Variants in CCSER1 observed in about 807,000 individuals in gnomAD.
CCSER1 encodes the protein coiled-coil serine rich protein 1.
Under a neutral mutation model 82.0 loss-of-function variants are expected in CCSER1, and 41 were observed. The ratio of observed to expected loss-of-function variants is 0.50; its 90% CI spans 0.39 to 0.65. The LOEUF (loss-of-function observed/expected upper bound fraction) is 0.65. Among genes scored for constraint, CCSER1 ranks in the 30% least tolerant of loss-of-function variants. CCSER1 has a pLI of 0.00. For synonymous variants in CCSER1, 414 were observed against 383.9 expected, an observed-to-expected ratio of 1.08 and a Z score of -0.92; for missense variants, 1,119 against 1,064.2, an observed-to-expected ratio of 1.05 and a Z score of -0.72.
At chr4:90,415,856 C>T (rs1403132799) in intron 4 of CCSER1, among the ~76,000 whole-genome samples, 1 of 152,200 alleles carries the variant, frequency 6.6e-6, no homozygotes, top group South Asian at 2.1e-4. Flanking sequence ...AGGGCTAAAA[C>T]ACATTTTAGT....
chr4:91,399,048 T>C (rs148321220), intron 10 of CCSER1, among the ~76,000 whole-genome samples: 1 of 151,768 alleles, frequency 6.6e-6, no homozygotes, highest in Admixed American at 6.6e-5. Context: ...GTGAGATGTG[T>C]AAAAAAAATT....
intron 7 of CCSER1, among the ~76,000 whole-genome samples, chr4:90,787,885 G>C (rs1158470018): frequency 2.0e-5 from 3 of 152,172 alleles, no homozygotes; most frequent in African/African-American, 7.2e-5. Context: ...TCTACAAGAA[G>C]TAGGGTCCAC....
chr4:91,285,774 T>G (rs1560566521), intron 10 of CCSER1, among the ~76,000 whole-genome samples: 1 of 151,874 alleles, frequency 6.6e-6, no homozygotes, highest in Non-Finnish European at 1.5e-5. Flanking sequence ...GATCTCTGCA[T>G]TACACATTAG....
intron 9 of CCSER1, among the ~76,000 whole-genome samples, chr4:90,930,422 A>G (rs1729589360): frequency 6.6e-6 from 1 of 151,896 alleles, no homozygotes; most frequent in Non-Finnish European, 1.5e-5. Flanking sequence ...TAACACGGTG[A>G]AACCCCATCT....
chr4:90,137,749 C>G (rs1447166820), intron 1 of CCSER1, among the ~76,000 whole-genome samples: 1 of 152,202 alleles, frequency 6.6e-6, no homozygotes, highest in African/African-American at 2.4e-5. Context: ...ATCCAGGGTA[C>G]TAGATCTTGC....
At chr4:90,136,432 A>G (rs554462391) in intron 1 of CCSER1, among the ~76,000 whole-genome samples, 58 of 152,354 alleles carry the variant, frequency 3.8e-4, no homozygotes, top group African/African-American at 1.4e-3. Flanking sequence ...TATCAGTGAT[A>G]TACCATTCTT....
intron 10 of CCSER1, among the ~76,000 whole-genome samples, chr4:91,403,292 T>G (rs1035923304): frequency 2.0e-5 from 3 of 152,224 alleles, no homozygotes; most frequent in Non-Finnish European, 4.4e-5. Context: ...AAGGAGATTT[T>G]GGGCTGAGAT....
chr4:91,193,514 T>C (rs1398485336), intron 10 of CCSER1, among the ~76,000 whole-genome samples: 2 of 152,164 alleles, frequency 1.3e-5, no homozygotes, highest in African/African-American at 4.8e-5. Flanking sequence ...AATCTCCTCA[T>C]ACTAAATATA....
At chr4:91,262,054 G>A (rs937619413) in intron 10 of CCSER1, among the ~76,000 whole-genome samples, 21 of 151,688 alleles carry the variant, frequency 1.4e-4, no homozygotes, top group African/African-American at 2.7e-4. Context: ...TATTTGCCCC[G>A]GATGATTAAA....
rs185486876 is a variant in CCSER1, at chr4:90,489,500, C to G, written c.1724+21146C>G. Among the ~76,000 whole-genome samples the G allele has an allele frequency of 1.7e-3, 260 of 151,984 alleles. 1 individual carries two copies. Among genetic ancestry groups the G allele is most frequent in the African/African-American group, 6.1e-3 (252 of 41,452 alleles). On this transcript the variant is annotated intron_variant, in intron 5 of 10. Coordinates refer to ENST00000509176, the MANE Select transcript of CCSER1 (RefSeq NM_001145065.2). ...AGAGGGAAATTATTAATAGGTAGTA[C>G]GTCACTTCTAAATTCTTTTTTTAAT...
chr4:90,735,353 G>A (rs1192946650), intron 7 of CCSER1, among the ~76,000 whole-genome samples: 1 of 152,098 alleles, frequency 6.6e-6, no homozygotes, highest in African/African-American at 2.4e-5. Flanking sequence ...GACTTTGGAA[G>A]TATTTTCTCC....
chr4:90,860,491 G>C (rs541180870), intron 8 of CCSER1, among the ~76,000 whole-genome samples: 1 of 151,686 alleles, frequency 6.6e-6, no homozygotes, highest in African/African-American at 2.4e-5. Context: ...TATGGTAATA[G>C]TTTCTACTTC....
chr4:90,170,517 C>T (rs1440266750), intron 1 of CCSER1, among the ~76,000 whole-genome samples: 1 of 151,684 alleles, frequency 6.6e-6, no homozygotes, highest in East Asian at 1.9e-4. Context: ...CGCCCCCTAG[C>T]CACTCTCCAC....
intron 8 of CCSER1, among the ~76,000 whole-genome samples, chr4:90,884,691 T>G (rs1721858615): frequency 6.6e-6 from 1 of 152,176 alleles, no homozygotes; most frequent in South Asian, 2.1e-4. Context: ...TTGAAATATT[T>G]TCTGATAATT....
At chr4:91,252,781 T>C (rs181603665) in intron 10 of CCSER1, among the ~76,000 whole-genome samples, 8 of 152,142 alleles carry the variant, frequency 5.3e-5, no homozygotes, top group Admixed American at 1.3e-4. Context: ...ATTAAATGTA[T>C]ACAAAAAAGG....
intron 6 of CCSER1, among the ~76,000 whole-genome samples, chr4:90,640,739 G>A (rs1421977981): frequency 6.6e-6 from 1 of 152,106 alleles, no homozygotes; most frequent in African/African-American, 2.4e-5. Context: ...TTTAATAAGG[G>A]ACTTTTTCCC....
At chr4:90,858,127 C>G (rs1764671001) in intron 8 of CCSER1, among the ~76,000 whole-genome samples, 1 of 151,952 alleles carries the variant, frequency 6.6e-6, no homozygotes, top group Admixed American at 6.6e-5. Flanking sequence ...AGATTGAGCC[C>G]CATTTCTAGC....
In CCSER1 at chr4:91,308,588, T is replaced by C. The variant is rs995043991; in HGVS notation, c.2217+222594T>C. Among the ~76,000 whole-genome samples, 4 of 115,402 alleles carry C rather than the reference T, an allele frequency of 3.5e-5. No homozygotes were observed. The East Asian group carries it at 1.0e-3, about 30-fold the overall frequency. The allele number at this position is 115,402 out of a possible 152,430, so 75.7% of individuals were successfully genotyped here. ...ATAGAGGCTATCCTTTAACAACTTA[T>C]TTGCTCAGTGCATTCTCAGTTCTGA... On this transcript the variant is annotated intron_variant, in intron 10 of 10. Coordinates refer to ENST00000509176, the MANE Select transcript of CCSER1 (RefSeq NM_001145065.2).
intron 9 of CCSER1, among the ~76,000 whole-genome samples, chr4:91,043,639 G>A (rs1037960087): frequency 2.1e-5 from 3 of 143,160 alleles, no homozygotes; most frequent in East Asian, 2.0e-4. Context: ...TCTGGAGGCT[G>A]GAGTGCAGTG....
Sources: allele counts gnomAD v4.1 joint callset (sites outside exome capture counted in the v4.1 genomes callset), GRCh38; gene constraint gnomAD v4.1.1; transcripts MANE v1.5; gene names NCBI Gene and HGNC (gene_info 2026-07-23, HGNC 2026-07-21).